Variants in USP7 observed in about 807,000 individuals in gnomAD.
The protein encoded by USP7 is ubiquitin C-terminal hydrolase 7.
Under a neutral mutation model 162.9 loss-of-function variants are expected in USP7, and 9 were observed. That is an observed-to-expected ratio of 0.06 (90% CI 0.03 to 0.10). USP7 has a LOEUF of 0.10. USP7 is among the 10% of genes least tolerant of loss of function. The probability of loss-of-function intolerance (pLI) is 1.00; values close to 1 mark genes in which losing one functional copy is unlikely to be tolerated. For missense variants in USP7, 715 were observed against 1,373.7 expected (o/e 0.52, Z 7.58); for synonymous variants, 562 against 475.9 (o/e 1.18, Z -2.35).
chr16:8,898,004 T>C (rs1441158494), intron 25 of USP7, among the ~76,000 whole-genome samples: 1 of 151,954 alleles, frequency 6.6e-6, no homozygotes, highest in Non-Finnish European at 1.5e-5. Context: ...CGCAGAGTCA[T>C]GGACTGCTCC....
At chr16:8,929,953 A>G (rs1443195227) in intron 2 of USP7, among the ~76,000 whole-genome samples, 1 of 152,224 alleles carries the variant, frequency 6.6e-6, no homozygotes, top group East Asian at 1.9e-4. Context: ...GTCTGCACGT[A>G]TCTTGCTGCA....
chr16:8,905,353 C>A, intron 13 of USP7, 22 bp from the exon 14 acceptor site: 3 of 1,610,642 alleles, frequency 1.9e-6, no homozygotes, highest in Middle Eastern at 1.7e-4. Flanking sequence ...ACAACACACA[C>A]CAGCAGCGAT....
intron 10 of USP7, among the ~76,000 whole-genome samples, chr16:8,913,844 G>A (rs772878454): frequency 9.9e-5 from 15 of 151,872 alleles, no homozygotes; most frequent in Non-Finnish European, 1.5e-4. Flanking sequence ...TTAAACTCCA[G>A]GGCTCAAGCT....
intron 18 of USP7, 151 bp downstream of exon 18, chr16:8,901,931 G>C: frequency 2.9e-6 from 2 of 686,074 alleles, no homozygotes; most frequent in Non-Finnish European, 4.9e-6. Flanking sequence ...AGTCTTATTT[G>C]ACTTCATCAG....
At chr16:8,895,838 T>C (rs1162005375) in intron 26 of USP7, 97 bp from the exon 27 acceptor site, 6 of 716,276 alleles carry the variant, frequency 8.4e-6, no homozygotes, top group African/African-American at 2.7e-5. Flanking sequence ...TACCACGATA[T>C]GTTTTTTTTT....
At chr16:8,938,157 C>G (rs577388517) in intron 1 of USP7, among the ~76,000 whole-genome samples, 1 of 152,134 alleles carries the variant, frequency 6.6e-6, no homozygotes, top group South Asian at 2.1e-4. Flanking sequence ...CAAACAGGCA[C>G]GACACTCCGA....
At chr16:8,944,863 G>T (rs1899206767) in intron 1 of USP7, among the ~76,000 whole-genome samples, 1 of 151,986 alleles carries the variant, frequency 6.6e-6, no homozygotes, top group South Asian at 2.1e-4. Flanking sequence ...CCCAGCACTT[G>T]GGAGGCTGAA....
At chr16:8,940,432 G>T (rs1003425522) in intron 1 of USP7, among the ~76,000 whole-genome samples, 18 of 152,210 alleles carry the variant, frequency 1.2e-4, no homozygotes, top group Non-Finnish European at 2.4e-4. Flanking sequence ...GAGGCAGAAG[G>T]TGTACTAGGA....
chr16:8,948,070 C>G (rs552361205), intron 1 of USP7, among the ~76,000 whole-genome samples: 1 of 152,214 alleles, frequency 6.6e-6, no homozygotes, highest in South Asian at 2.1e-4. Flanking sequence ...GCCCTGCAGA[C>G]GTCAGTCAGC....
At chr16:8,930,124 A>G (rs1034912236) in intron 2 of USP7, among the ~76,000 whole-genome samples, 169 bp downstream of exon 2, 1 of 152,198 alleles carries the variant, frequency 6.6e-6, no homozygotes, top group Non-Finnish European at 1.5e-5. Flanking sequence ...TGGTGTAGGC[A>G]ATCTTGAAAC....
chr16:8,918,788 G>A (rs952866059), intron 6 of USP7, among the ~76,000 whole-genome samples: 2 of 152,142 alleles, frequency 1.3e-5, no homozygotes, highest in Non-Finnish European at 2.9e-5. Flanking sequence ...CAGCCTGGGC[G>A]ACAGAGCAAG....
chr16:8,935,538 T>A (rs1396027552), intron 1 of USP7: 5 of 152,216 alleles, frequency 3.3e-5, no homozygotes, highest in African/African-American at 9.7e-5. Context: ...CACAAAATTA[T>A]CTCAAATAAG....
At chr16:8,919,312 C>G (rs917040791) in intron 5 of USP7, among the ~76,000 whole-genome samples, 173 bp from the exon 6 acceptor site, 3 of 152,008 alleles carry the variant, frequency 2.0e-5, no homozygotes, top group Non-Finnish European at 4.4e-5. Context: ...AGTGTGTGAA[C>G]TGGTGCAAAT....
Position 8,923,359 on chromosome 16 carries a change from C to T in USP7, c.239G>A (p.Arg80Lys), listed in dbSNP as rs1410705244. 2.5e-6 allele frequency: 4 copies of T among 1,614,114 alleles called. No homozygotes were observed. Among genetic ancestry groups the T allele is most frequent in the Non-Finnish European group, 1.7e-6 (2 of 1,180,044 alleles). ...AGGGCTAAGGACCGACTCACTCAGT[C>T]TGCTGAAGCGCTCCACAGTGAACTG... ...TFQFTVERFSRLSESVLSPPC... is the reference protein window; with the variant it reads ...TFQFTVERFSKLSESVLSPPC... The change falls in exon 3 of 31, where the codon AGA (arginine) becomes AAA (lysine). Residue 80 changes from arginine (R) to lysine (K), a missense_variant. Coordinates refer to ENST00000344836, the MANE Select transcript of USP7 (RefSeq NM_003470.3).
rs779177713 is a variant in USP7, at chr16:8,921,310, A to T, written c.384-15T>A. On this transcript the variant is annotated splice_polypyrimidine_tract_variant and intron_variant, in intron 3 of 30. Transcript: ENST00000344836. ...AAGACCATGACCTGTTTAAAAGAAT[A>T]ATCTGAGCCTTAGTTGACATTATTT... is the stretch of plus-strand genomic sequence containing the variant. 1 of 1,609,750 alleles carries T rather than the reference A, an allele frequency of 6.2e-7. No individual in the cohort carries two copies. The highest frequency in any genetic ancestry group is 1.1e-5 in the South Asian group (1 of 90,386).
At chr16:8,922,323 T>C (rs1897738226) in intron 3 of USP7, among the ~76,000 whole-genome samples, 1 of 152,188 alleles carries the variant, frequency 6.6e-6, no homozygotes, top group South Asian at 2.1e-4. Context: ...ACCCCGTCCC[T>C]ATGAAAAATA....
intron 1 of USP7, among the ~76,000 whole-genome samples, chr16:8,947,345 C>A (rs1230027997): frequency 6.6e-6 from 1 of 150,626 alleles, no homozygotes; most frequent in Non-Finnish European, 1.5e-5. Flanking sequence ...TTCCACAGCA[C>A]TCCCCCCCCC....
intron 21 of USP7, 155 bp from the exon 22 acceptor site, chr16:8,899,912 G>C: frequency 1.1e-6 from 1 of 874,060 alleles, no homozygotes; most frequent in Non-Finnish European, 1.8e-6. Context: ...ATCTGCCTGA[G>C]CTCCCTCTGT....
At chr16:8,934,369 T>A (rs535157186) in intron 1 of USP7, among the ~76,000 whole-genome samples, 1 of 152,306 alleles carries the variant, frequency 6.6e-6, no homozygotes, top group African/African-American at 2.4e-5. Flanking sequence ...AAGAAGGGCT[T>A]GTTTGGGTGA....
Sources: gnomAD v4.1 joint callset for allele counts (sites outside exome capture counted in the v4.1 genomes callset) on GRCh38, gnomAD v4.1.1 for gene constraint, MANE v1.5 for transcripts, NCBI Gene and HGNC (gene_info 2026-07-23, HGNC 2026-07-21) for gene names.